The following ACVR1 variants were observed in gnomAD, a reference collection of about 807,000 sequenced individuals.
The protein encoded by ACVR1 is activin A receptor type 1, also known as activin receptor type-1.
ACVR1 carries 38 observed loss-of-function variants against 57.1 expected under a neutral mutation model. That is an observed-to-expected ratio of 0.67 (90% CI 0.51 to 0.87). ACVR1 has a LOEUF of 0.87. Among genes scored for constraint, ACVR1 ranks in the 40% least tolerant of loss-of-function variants. ACVR1 has a pLI of 0.00. For missense variants in ACVR1, 463 were observed against 638.2 expected, an observed-to-expected ratio of 0.73 and a Z score of 2.96; for synonymous variants, 212 against 228.1, an observed-to-expected ratio of 0.93 and a Z score of 0.63.
At chr2:157,861,955 T>C (rs1169676925) in intron 1 of ACVR1, among the ~76,000 whole-genome samples, 1 of 152,208 alleles carries the variant, frequency 6.6e-6, no homozygotes, top group Non-Finnish European at 1.5e-5. Context: ...CAGTACATTT[T>C]ACTCAAGAGG....
intron 6 of ACVR1, among the ~76,000 whole-genome samples, chr2:157,773,229 A>C (rs1201947562): frequency 6.6e-6 from 1 of 152,238 alleles, no homozygotes; most frequent in Non-Finnish European, 1.5e-5. Flanking sequence ...ACCACATAAA[A>C]GTAAAGCTAA....
chr2:157,766,594 T>C (rs1685869653), intron 7 of ACVR1, among the ~76,000 whole-genome samples: 1 of 152,236 alleles, frequency 6.6e-6, no homozygotes, highest in Non-Finnish European at 1.5e-5. Context: ...TACTGTATTC[T>C]AGTCCTGACT....
chr2:157,865,710 T>C (rs776687455), intron 1 of ACVR1, among the ~76,000 whole-genome samples: 1 of 149,882 alleles, frequency 6.7e-6, no homozygotes, highest in Non-Finnish European at 1.5e-5. Context: ...GAGAATCACT[T>C]GAACCCGGGA....
At chr2:157,806,365 G>T (rs1467773854) in intron 2 of ACVR1, among the ~76,000 whole-genome samples, 1 of 151,910 alleles carries the variant, frequency 6.6e-6, no homozygotes, top group Admixed American at 6.6e-5. Flanking sequence ...CTCTTTGATA[G>T]TGCATCAGTG....
intron 2 of ACVR1, among the ~76,000 whole-genome samples, chr2:157,815,005 C>T (rs1687882203): frequency 6.6e-6 from 1 of 152,236 alleles, no homozygotes; most frequent in East Asian, 1.9e-4. Context: ...AGGAGAATGT[C>T]GTGAACCCAG....
intron 9 of ACVR1, among the ~76,000 whole-genome samples, chr2:157,754,169 C>T (rs2105240766): frequency 6.6e-6 from 1 of 152,220 alleles, no homozygotes; most frequent in Middle Eastern, 3.4e-3. Context: ...TGAAAGAGCA[C>T]AAACAGGCAA....
At chr2:157,817,438 T>C (rs1205053742) in intron 2 of ACVR1, among the ~76,000 whole-genome samples, 1 of 152,152 alleles carries the variant, frequency 6.6e-6, no homozygotes, top group Non-Finnish European at 1.5e-5. Flanking sequence ...CTACTCTCTA[T>C]AATATTATAA....
intron 5 of ACVR1, among the ~76,000 whole-genome samples, chr2:157,777,059 C>T (rs1392276952): frequency 6.6e-6 from 1 of 152,156 alleles, no homozygotes; most frequent in Non-Finnish European, 1.5e-5. Flanking sequence ...AATATCCATG[C>T]AGAATGTTAT....
At chr2:157,857,904 G>A (rs888861104) in intron 1 of ACVR1, among the ~76,000 whole-genome samples, 14 of 152,086 alleles carry the variant, frequency 9.2e-5, no homozygotes, top group African/African-American at 3.4e-4. Context: ...GTGAATGTGT[G>A]AATGCTCCTT....
intron 6 of ACVR1, 128 bp downstream of exon 6, chr2:157,773,960 C>A (rs1686170506): frequency 5.2e-6 from 4 of 764,154 alleles, no homozygotes; most frequent in Non-Finnish European, 6.6e-6. Context: ...AGAATAGAGA[C>A]CACATCTCAT....
At chr2:157,785,616 A>T (rs1686685523) in intron 3 of ACVR1, among the ~76,000 whole-genome samples, 3 of 152,196 alleles carry the variant, frequency 2.0e-5, no homozygotes, top group African/African-American at 7.2e-5. Flanking sequence ...GTGCCTAAAT[A>T]ATCTCTCATT....
chr2:157,849,869 T>C (rs1410309516), intron 1 of ACVR1, among the ~76,000 whole-genome samples: 4 of 152,240 alleles, frequency 2.6e-5, no homozygotes, highest in Non-Finnish European at 5.9e-5. Flanking sequence ...GTGTTTCCTG[T>C]TCTGGCTTTC....
At chr2:157,797,105 T>C (rs2105303081) in intron 3 of ACVR1, among the ~76,000 whole-genome samples, 1 of 152,356 alleles carries the variant, frequency 6.6e-6, no homozygotes, top group South Asian at 2.1e-4. Flanking sequence ...ATCCAGCTTG[T>C]ATCTTACATT....
chr2:157,814,367 T>C (rs982631975), intron 2 of ACVR1, among the ~76,000 whole-genome samples: 4 of 152,210 alleles, frequency 2.6e-5, no homozygotes, highest in African/African-American at 7.2e-5. Context: ...TTTAAACTTA[T>C]GAAAAGATGC....
chr2:157,866,832 A>G (rs1017221673), intron 1 of ACVR1, among the ~76,000 whole-genome samples: 9 of 152,228 alleles, frequency 5.9e-5, no homozygotes, highest in Admixed American at 3.9e-4. Flanking sequence ...CAAAAAGTCA[A>G]TAACAGACTT....
intron 2 of ACVR1, among the ~76,000 whole-genome samples, chr2:157,808,410 G>T (rs2105317468): frequency 6.6e-6 from 1 of 152,312 alleles, no homozygotes; most frequent in East Asian, 1.9e-4. Context: ...GCAGGGGTGG[G>T]TTTGTATGTC....
At chr2:157,770,307 C>G in intron 7 of ACVR1, 61 bp downstream of exon 7, 1 of 1,589,180 alleles carries the variant, frequency 6.3e-7, no homozygotes, top group East Asian at 2.2e-5. Context: ...ACGGAGAGAG[C>G]AAAGGCAGAC....
chr2:157,857,053 GC>G (rs1418617092), intron 1 of ACVR1, among the ~76,000 whole-genome samples: 1 of 152,080 alleles, frequency 6.6e-6, no homozygotes, highest in Non-Finnish European at 1.5e-5. Context: ...ACAAAAATTA[GC>G]CAGGTGTGGT....
At chr2:157,845,114 T>A (rs1343891047) in intron 1 of ACVR1, among the ~76,000 whole-genome samples, 1 of 152,210 alleles carries the variant, frequency 6.6e-6, no homozygotes, top group Non-Finnish European at 1.5e-5. Flanking sequence ...ATAGAGATGA[T>A]GGGGTCCCAA....
Sources: allele counts gnomAD v4.1 joint callset (sites outside exome capture counted in the v4.1 genomes callset), GRCh38; gene constraint gnomAD v4.1.1; transcripts MANE v1.5; gene names NCBI Gene and HGNC (gene_info 2026-07-23, HGNC 2026-07-21).